The following SHISA6 variants were observed in gnomAD, a reference collection of about 807,000 sequenced individuals.
SHISA6 encodes the protein shisa family member 6.
SHISA6 carries 22 observed loss-of-function variants against 47.9 expected under a neutral mutation model. The ratio of observed to expected loss-of-function variants is 0.46; its 90% CI spans 0.33 to 0.66. The LOEUF (loss-of-function observed/expected upper bound fraction) is 0.66, where lower values mean the gene tolerates loss of function less well. SHISA6 is among the 30% of genes least tolerant of loss of function. The pLI, the probability that SHISA6 is intolerant of heterozygous loss-of-function variation, is 0.02. For missense variants in SHISA6, 680 were observed against 764.6 expected, an observed-to-expected ratio of 0.89 and a Z score of 1.30; for synonymous variants, 388 against 337.8, an observed-to-expected ratio of 1.15 and a Z score of -1.63.
At chr17:11,503,153 T>C (rs1289632829) in intron 3 of SHISA6, among the ~76,000 whole-genome samples, 1 of 152,106 alleles carries the variant, frequency 6.6e-6, no homozygotes, top group Non-Finnish European at 1.5e-5. Context: ...ATGAAGAAAC[T>C]GAGGCCCAGA....
chr17:11,326,984 G>A (rs982378162), intron 2 of SHISA6, among the ~76,000 whole-genome samples: 2 of 152,292 alleles, frequency 1.3e-5, no homozygotes, highest in East Asian at 1.9e-4. Flanking sequence ...TGTCCATTAC[G>A]ACCTTGCTCT....
chr17:11,402,507 T>A (rs1487768920), intron 3 of SHISA6, among the ~76,000 whole-genome samples: 3 of 152,200 alleles, frequency 2.0e-5, no homozygotes, highest in Non-Finnish European at 4.4e-5. Context: ...CTATCAGCCT[T>A]TGTAAGGGAA....
chr17:11,560,402 T>G lies in SHISA6; in HGVS notation c.*2098T>G, dbSNP rs1332298925. On this transcript the variant is annotated 3_prime_UTR_variant, in exon 6 of 6. Coordinates refer to ENST00000441885, the MANE Select transcript of SHISA6 (RefSeq NM_207386.4). ...CTTCTTAAGGGCTGGTCCCCAGGGG[T>G]TTATAAGAGTTTGTTCCAGAAGGTG... 8.6e-5 allele frequency: 13 copies of G among 152,022 alleles called. No homozygotes were observed. The highest frequency in any genetic ancestry group is 7.2e-4 in the Admixed American group (11 of 15,252). The allele number at this position is 152,022 out of a possible 1,614,324, so 9.4% of individuals were successfully genotyped here.
At position 11,379,526 on chromosome 17, in the gene SHISA6, T is replaced by G. The variant is rs888134416; in HGVS notation, c.895+17T>G. On this transcript the variant is annotated intron_variant, in intron 3 of 5. Transcript: ENST00000441885. ...ACACCAAGGGTACAGTGGAAACCAT[T>G]TTTTACTAAAATACAGAGGTTGCCT... 2 of 1,508,422 alleles carry G rather than the reference T, an allele frequency of 1.3e-6. No individual in the cohort carries two copies. The highest frequency in any genetic ancestry group is 1.8e-6 in the Non-Finnish European group (2 of 1,118,962). 93.4% of individuals were successfully genotyped at this position (1,508,422 alleles called of 1,614,324 possible).
chr17:11,406,008 C>T (rs948540257), intron 3 of SHISA6, among the ~76,000 whole-genome samples: 3 of 152,152 alleles, frequency 2.0e-5, no homozygotes, highest in African/African-American at 7.2e-5. Context: ...CATAGAAGAG[C>T]TCATTGAAAC....
intron 2 of SHISA6, among the ~76,000 whole-genome samples, chr17:11,283,764 A>G (rs1029277184): frequency 6.6e-6 from 1 of 152,222 alleles, no homozygotes; most frequent in African/African-American, 2.4e-5. Flanking sequence ...TTTGGATTTC[A>G]AGAGCAGAAA....
intron 2 of SHISA6, among the ~76,000 whole-genome samples, chr17:11,369,685 G>A (rs931641817): frequency 2.6e-5 from 4 of 152,170 alleles, no homozygotes; most frequent in East Asian, 3.9e-4. Flanking sequence ...GCACCACATC[G>A]TTTGCCTCTT....
intron 2 of SHISA6, among the ~76,000 whole-genome samples, chr17:11,295,085 C>T (rs1209595653): frequency 2.0e-5 from 3 of 152,314 alleles, no homozygotes; most frequent in African/African-American, 4.8e-5. Context: ...AGATGATTCA[C>T]GTCCCGGGTG....
At chr17:11,367,155 G>A (rs1044302620) in intron 2 of SHISA6, among the ~76,000 whole-genome samples, 1 of 152,162 alleles carries the variant, frequency 6.6e-6, no homozygotes, top group Non-Finnish European at 1.5e-5. Context: ...TGACTTGGCT[G>A]GGGGAATGGG....
intron 3 of SHISA6, among the ~76,000 whole-genome samples, chr17:11,439,387 C>A (rs1915039618): frequency 6.6e-6 from 1 of 152,108 alleles, no homozygotes; most frequent in African/African-American, 2.4e-5. Flanking sequence ...AGCCTTCCCC[C>A]AAGCCATGCT....
intron 3 of SHISA6, among the ~76,000 whole-genome samples, chr17:11,429,872 A>C (rs1829915708): frequency 6.6e-6 from 1 of 151,874 alleles, no homozygotes; most frequent in African/African-American, 2.4e-5. Flanking sequence ...AAAAAAAAAA[A>C]ACAATAAACT....
At chr17:11,247,666 G>A (rs775671768) in intron 1 of SHISA6, among the ~76,000 whole-genome samples, 3 of 151,980 alleles carry the variant, frequency 2.0e-5, no homozygotes, top group Non-Finnish European at 4.4e-5. Context: ...GACTAAGTAC[G>A]TTTTGTAGTT....
At position 11,379,411 on chromosome 17, in the gene SHISA6, C is replaced by A; in HGVS notation, c.800-3C>A. On this transcript the variant is annotated splice_polypyrimidine_tract_variant and splice_region_variant and intron_variant, in intron 2 of 5. Coordinates refer to ENST00000441885, the MANE Select transcript of SHISA6 (RefSeq NM_207386.4). ...CAGGTAATTCTGCCCCATCTTCTTG[C>A]AGGGCATTATGGGAAGGATGCTTAC... is the stretch of plus-strand genomic sequence containing the variant. 6.5e-7 allele frequency: 1 copy of A among 1,534,164 alleles called. No homozygotes were observed. Among genetic ancestry groups the A allele is most frequent in the Non-Finnish European group, 8.8e-7 (1 of 1,139,102 alleles).
At chr17:11,489,307 C>T (rs1916421151) in intron 3 of SHISA6, among the ~76,000 whole-genome samples, 1 of 151,838 alleles carries the variant, frequency 6.6e-6, no homozygotes, top group South Asian at 2.1e-4. Context: ...TGCTGGGTCC[C>T]TTCTTCCCTT....
intron 3 of SHISA6, among the ~76,000 whole-genome samples, chr17:11,507,355 G>A (rs534458378): frequency 1.3e-5 from 2 of 152,192 alleles, no homozygotes; most frequent in African/African-American, 2.4e-5. Flanking sequence ...ATGATGTATG[G>A]AGCAGAGCAC....
rs568369930 is a variant in SHISA6 at position 11,261,046 on chromosome 17, A to G, written c.639-2320A>G. The stretch of plus-strand genomic sequence containing the variant: ...TGAGACCAGAATCGCACATTTCAGA[A>G]CTAGAATAATATTTATTGAGCACCC... On this transcript the variant is annotated intron_variant, in intron 1 of 5. Transcript: ENST00000441885. Among the ~76,000 whole-genome samples, 206 of 152,204 alleles carry G rather than the reference A, an allele frequency of 1.4e-3. 2 individuals carry two copies. The South Asian group carries it at 0.042, about 31-fold the overall frequency.
At chr17:11,350,182 ATTTTTTT>A (rs778331945) in intron 2 of SHISA6, among the ~76,000 whole-genome samples, 5 of 116,266 alleles carry the variant, frequency 4.3e-5, no homozygotes, top group Admixed American at 3.8e-4. Context: ...TTATTTATTT[ATTTTTTT>A]TTTTTTTTGA....
intron 3 of SHISA6, among the ~76,000 whole-genome samples, chr17:11,457,124 T>C (rs142976613): frequency 1.3e-5 from 2 of 152,206 alleles, no homozygotes; most frequent in African/African-American, 2.4e-5. Flanking sequence ...TCATTGAATA[T>C]GCATGGTGAC....
At position 11,297,950 on chromosome 17, in the gene SHISA6, T is replaced by C. The variant is rs527410174; in HGVS notation, c.799+34424T>C. 3.3e-5 allele frequency among the ~76,000 whole-genome samples: 5 copies of C among 152,286 alleles called. No homozygotes were observed. In the East Asian group the frequency reaches 9.6e-4, roughly 29 times the overall value. ...GACGAGAAAGTTCCCATCTGATGCC[T>C]TCTGTTTTCTGAATGATACTTGAGG... On this transcript the variant is annotated intron_variant, in intron 2 of 5. Transcript: ENST00000441885.
Sources: allele counts gnomAD v4.1 joint callset (sites outside exome capture counted in the v4.1 genomes callset), GRCh38; gene constraint gnomAD v4.1.1; transcripts MANE v1.5; gene names NCBI Gene and HGNC (gene_info 2026-07-23, HGNC 2026-07-21).